Variants in NLRP7 observed in about 807,000 individuals in gnomAD.
NLRP7 encodes the protein NLR family pyrin domain containing 7.
NLRP7 carries 72 observed loss-of-function variants against 85.5 expected under a neutral mutation model. The ratio of observed to expected loss-of-function variants is 0.84; its 90% confidence interval spans 0.70 to 1.02. The LOEUF is 1.02. NLRP7 is among the 50% of genes least tolerant of loss of function. The pLI is 0.00. For missense variants in NLRP7, 1,243 were observed against 1,219.5 expected, an observed-to-expected ratio of 1.02 and a Z score of -0.29; for synonymous variants, 550 against 505.2, an observed-to-expected ratio of 1.09 and a Z score of -1.19.
At position 54,938,882 on chromosome 19, in the gene NLRP7, T is replaced by C; in HGVS notation, c.1931+6A>G. 1 of 1,613,992 alleles carries C rather than the reference T, an allele frequency of 6.2e-7. No individual in the cohort carries two copies. The highest frequency in any genetic ancestry group is 8.5e-7 in the Non-Finnish European group (1 of 1,180,000). ...GTGGAGCGTGGGATGGGAAAACAGT[T>C]CTTACCTTTCAAATTCAATGTCCAG... On this transcript the variant is annotated splice_donor_region_variant and intron_variant, in intron 4 of 9. Coordinates refer to ENST00000340844, the Ensembl canonical transcript of NLRP7.
rs763415119 is a variant in NLRP7 at position 54,927,641 on chromosome 19, A to G, written c.2810+2858T>C. ...CAAGGATCCAGTTCTTTGTCTTAGA[A>G]CCCCAAAGAGCTTAATTATGCCACT... On this transcript the variant is annotated intron_variant, in intron 9 of 9. Transcript: ENST00000340844. The G allele has an allele frequency of 3.7e-6, 6 of 1,614,040 alleles. No individual in the cohort carries two copies. In the East Asian group the frequency reaches 1.3e-4, roughly 36 times the overall value.
At chr19:54,933,541 C>G (rs748884271) in intron 8 of NLRP7, 28 bp downstream of exon 8, 6 of 1,607,486 alleles carry the variant, frequency 3.7e-6, no homozygotes, top group Admixed American at 1.7e-5. Flanking sequence ...TTCATGTGCA[C>G]ACACACACAC....
chr19:54,932,407 G>A (rs1218055861), intron 8 of NLRP7, among the ~76,000 whole-genome samples: 6 of 143,952 alleles, frequency 4.2e-5, no homozygotes, highest in Non-Finnish European at 7.5e-5. Flanking sequence ...CAGTCTGGGC[G>A]ACAGAGTGAG....
Position 54,934,627 on chromosome 19 carries a change from C to T in NLRP7, c.2333G>A (p.Trp778Ter). The change falls in exon 7 of 10, where the codon TGG becomes TAG. Residue 778 changes from tryptophan (W) to a stop codon, truncating the protein, a stop_gained. Coordinates refer to ENST00000340844, the Ensembl canonical transcript of NLRP7. LOFTEE classifies it high-confidence loss of function. The surrounding 1 kb of genome is among the most constrained non-coding windows in gnomAD (Gnocchi z 6.7). ...TTTGAGGACATAGAAGAATTCAGCCCACTGCTCCGGGGTGGCACAGTGACC... is the reference window on the plus strand; with the variant it reads ...TTTGAGGACATAGAAGAATTCAGCCTACTGCTCCGGGGTGGCACAGTGACC... 2 of 1,613,948 alleles carry T rather than the reference C, an allele frequency of 1.2e-6. No individual in the cohort carries two copies. Among genetic ancestry groups the T allele is most frequent in the Non-Finnish European group, 8.5e-7 (1 of 1,179,950 alleles).
intron 1 of NLRP7, among the ~76,000 whole-genome samples, chr19:54,952,929 A>G (rs181362202): frequency 5.3e-5 from 8 of 152,178 alleles, no homozygotes; most frequent in Admixed American, 2.0e-4. Context: ...CCCGAAGTAG[A>G]GTTTGAGACC....
At position 54,959,467 on chromosome 19, in the gene NLRP7, GTATAAAACAA is replaced by G. The variant is rs1346533451; in HGVS notation, c.-77+6563_-77+6572del. Reference sequence around the variant, plus strand: ...GTTTTTTTTCTAAAACAAGTACTGAGTATAAAACAATATAAAACAATATGAGACGGTTTCT... The same window carrying G: ...GTTTTTTTTCTAAAACAAGTACTGAGTATAAAACAATATGAGACGGTTTCT... On this transcript the variant is annotated intron_variant, in intron 1 of 2. Transcript: ENST00000587103. Among the ~76,000 whole-genome samples the G allele has an allele frequency of 2.2e-4, 33 of 151,234 alleles. 1 individual carries two copies. The highest frequency in any genetic ancestry group is 3.3e-4 in the Admixed American group (5 of 15,146).
At chr19:54,924,359 G>A (rs1270181400) in intron 9 of NLRP7, among the ~76,000 whole-genome samples, 5 of 152,170 alleles carry the variant, frequency 3.3e-5, no homozygotes, top group Admixed American at 1.3e-4. Flanking sequence ...ACGGTGTCTC[G>A]CACCTGTAGT....
rs143168577 is a variant in NLRP7 at position 54,955,276 on chromosome 19, C to T, written c.-76-7771G>A. On this transcript the variant is annotated intron_variant, in intron 1 of 2. Transcript: ENST00000587103. ...CCCGGGTGGCAGAGGTTGCAGTGAGCCAAGATCATGCCATTGCACTCCAGC... is the reference window on the plus strand; with the variant it reads ...CCCGGGTGGCAGAGGTTGCAGTGAGTCAAGATCATGCCATTGCACTCCAGC... Among the ~76,000 whole-genome samples, 8 of 152,128 alleles carry T rather than the reference C, an allele frequency of 5.3e-5. No individual in the cohort carries two copies. In the East Asian group the frequency reaches 1.4e-3, roughly 26 times the overall value.
intron 1 of NLRP7, among the ~76,000 whole-genome samples, chr19:54,960,007 G>A (rs754665496): frequency 3.3e-5 from 5 of 151,876 alleles, no homozygotes; most frequent in Non-Finnish European, 5.9e-5. Flanking sequence ...TTTGAATTGT[G>A]GTTTCTTATC....
upstream of NLRP7, chr19:54,947,513 G>A: frequency 7.8e-7 from 1 of 1,289,744 alleles, no homozygotes; most frequent in Non-Finnish European, 1.0e-6. Context: ...TTCCTGCAAA[G>A]GAAACGGATA....
At chr19:54,959,773 C>T (rs1187787271) in intron 1 of NLRP7, among the ~76,000 whole-genome samples, 1 of 151,950 alleles carries the variant, frequency 6.6e-6, no homozygotes, top group Non-Finnish European at 1.5e-5. Context: ...CACACCTCCT[C>T]ATCCTCTCAT....
exon 9 of NLRP7, chr19:54,930,554 A>G: frequency 1.9e-6 from 3 of 1,612,828 alleles, no homozygotes; most frequent in Middle Eastern, 1.7e-4. Context: ...AGAATCCACA[A>G]TCCACGAGCT....
At chr19:54,941,204 A>G (rs1439999677) in intron 2 of NLRP7, among the ~76,000 whole-genome samples, 199 bp from the exon 3 acceptor site, 3 of 116,974 alleles carry the variant, frequency 2.6e-5, no homozygotes, top group African/African-American at 1.2e-4. Context: ...TCTACTAAAA[A>G]TACAAAAAAA....
rs1191769287 is a variant in NLRP7 at position 54,934,937 on chromosome 19, T to C, written c.2301-278A>G. ...GTCTTGAACTCCTGACCTCAGGTGA[T>C]CCACCCACCTTGGCCTACCGAAGTA... is the stretch of plus-strand genomic sequence containing the variant. On this transcript the variant is annotated intron_variant, in intron 6 of 9. Transcript: ENST00000340844. This position sits in a 1 kb window ranked among gnomAD's most constrained non-coding sequence, Gnocchi z 6.7. 6.6e-6 allele frequency among the ~76,000 whole-genome samples: 1 copy of C among 152,116 alleles called. No individual in the cohort carries two copies. The highest frequency in any genetic ancestry group is 1.5e-5 in the Non-Finnish European group (1 of 68,006).
chr19:54,961,268 T>G lies in NLRP7; in HGVS notation c.-77+4772A>C, dbSNP rs1027734910. ...TCTCACGCCTGTAATTCCAGCACTT[T>G]GGGAGGCCAAAGCAGGTGGATCACC... On this transcript the variant is annotated intron_variant, in intron 1 of 2. Coordinates refer to the NLRP7 transcript ENST00000587103. 7.9e-5 allele frequency among the ~76,000 whole-genome samples: 12 copies of G among 151,896 alleles called. No homozygotes were observed. In the South Asian group the frequency reaches 2.3e-3, roughly 29 times the overall value.
chr19:54,964,344 G>A (rs2070217712), intron 1 of NLRP7, among the ~76,000 whole-genome samples: 1 of 147,676 alleles, frequency 6.8e-6, no homozygotes, highest in Non-Finnish European at 1.5e-5. Flanking sequence ...AGCCTCCCGA[G>A]TAGCTGGGAC....
intron 1 of NLRP7, among the ~76,000 whole-genome samples, chr19:54,958,528 C>T (rs113621735): frequency 0.021 from 3,199 of 152,042 alleles, 101 homozygotes; most frequent in African/African-American, 0.072. Flanking sequence ...GCCTGTAATC[C>T]CAGCTACTCT....
intron 9 of NLRP7, among the ~76,000 whole-genome samples, chr19:54,924,125 G>C (rs989984246): frequency 6.6e-6 from 1 of 152,094 alleles, no homozygotes; most frequent in Non-Finnish European, 1.5e-5. Context: ...GCACCACCAC[G>C]CTTGGCTAAG....
intron 1 of NLRP7, among the ~76,000 whole-genome samples, chr19:54,954,178 A>T (rs1443476595): frequency 1.3e-5 from 2 of 148,766 alleles, no homozygotes; most frequent in Admixed American, 6.7e-5. Context: ...CTGTCTAAAA[A>T]GGGGAGGCAT....
Sources: gnomAD v4.1 joint callset for allele counts (sites outside exome capture counted in the v4.1 genomes callset) on GRCh38, gnomAD v4.1.1 for gene constraint, Gnocchi (gnomAD v3.1) non-coding constraint, MANE v1.5 for transcripts, NCBI Gene and HGNC (gene_info 2026-07-23, HGNC 2026-07-21) for gene names.